Variants in SNX25 observed in about 807,000 individuals in gnomAD.
SNX25 encodes the protein sorting nexin 25.
A neutral mutation model predicts 113.7 loss-of-function variants in SNX25; 62 were observed. The ratio of observed to expected loss-of-function variants is 0.55; its 90% CI spans 0.44 to 0.67. SNX25 has a LOEUF of 0.67. SNX25 is among the 30% of genes least tolerant of loss of function. The probability of loss-of-function intolerance (pLI) is 0.00; values close to 1 mark genes in which losing one functional copy is unlikely to be tolerated. For synonymous variants in SNX25, 421 were observed against 436.2 expected (o/e 0.97, Z 0.43); for missense variants, 1,014 against 1,161.0 (o/e 0.87, Z 1.84).
chr4:185,376,289 T>A, the SNX25 span, among the ~76,000 whole-genome samples: 6 of 151,998 alleles, frequency 3.9e-5, no homozygotes, highest in African/African-American at 1.4e-4. Flanking sequence ...CAAACATACT[T>A]TTTTTTGAGA....
At chr4:185,235,602 C>T (rs150322858) in intron 1 of SNX25, among the ~76,000 whole-genome samples, 164 of 152,336 alleles carry the variant, frequency 1.1e-3, no homozygotes, top group African/African-American at 3.9e-3. Context: ...ATAGAAGACT[C>T]GCCTTTTGGC....
chr4:185,314,248 G>C (rs906295384), intron 7 of SNX25, among the ~76,000 whole-genome samples: 2 of 150,378 alleles, frequency 1.3e-5, no homozygotes, highest in Non-Finnish European at 2.9e-5. Flanking sequence ...CCAGCACTTG[G>C]CGGGCAAAGA....
chr4:185,241,003 C>G (rs1464329671), intron 1 of SNX25, among the ~76,000 whole-genome samples: 1 of 146,884 alleles, frequency 6.8e-6, no homozygotes, highest in East Asian at 2.1e-4. Context: ...ACTGGGCAGC[C>G]AGGCAGAGAG....
chr4:185,269,165 A>C (rs1748558588), intron 5 of SNX25, among the ~76,000 whole-genome samples: 1 of 152,148 alleles, frequency 6.6e-6, no homozygotes, highest in South Asian at 2.1e-4. Context: ...TCCTTATCAT[A>C]GTGTCCTTCG....
At chr4:185,228,891 C>T (rs896727454) in intron 1 of SNX25, among the ~76,000 whole-genome samples, 1 of 152,136 alleles carries the variant, frequency 6.6e-6, no homozygotes, top group African/African-American at 2.4e-5. Context: ...GATCAGGAAG[C>T]AGGTTTAGAG....
rs1168190629 is a variant in SNX25, at chr4:185,332,761, TA to T, written c.1914+4del. ...AATGCACCAAAACCTGACAAGAAGG[TA>T]ACTCTTTGCTTTCAAGGTTGTCTTT... On this transcript the variant is annotated splice_donor_region_variant and intron_variant, in intron 10 of 18. Transcript: ENST00000652585. 13 of 1,612,256 alleles carry T rather than the reference TA, an allele frequency of 8.1e-6. No individual in the cohort carries two copies. Among genetic ancestry groups the T allele is most frequent in the Non-Finnish European group, 1.0e-5 (12 of 1,179,424 alleles).
chr4:185,210,147 G>A lies in SNX25; in HGVS notation c.321G>A (p.Leu107=), dbSNP rs1028557151. 4.8e-4 allele frequency: 475 copies of A among 984,146 alleles called. No individual in the cohort carries two copies. The highest frequency in any genetic ancestry group is 5.4e-4 in the Non-Finnish European group (444 of 829,648). 61.0% of individuals were successfully genotyped at this position (984,146 alleles called of 1,614,324 possible). The change falls in exon 1 of 19, where the codon CTG becomes CTA. Residue 107 remains leucine, a synonymous_variant. Coordinates refer to ENST00000652585, the MANE Select transcript of SNX25 (RefSeq NM_001378034.2). This position sits in a 1 kb window ranked among gnomAD's most constrained non-coding sequence, Gnocchi z 4.4. ...GCTGCGCGGCGGCCGCCTTCCTGCT[G>A]GGGATCCTGTTTGCCCTCGTCTGCC... ...YLSCAAAAFL[L]GILFALVCRS...
At chr4:185,343,315 AAG>A (rs1445513580) in intron 12 of SNX25, among the ~76,000 whole-genome samples, 2 of 152,252 alleles carry the variant, frequency 1.3e-5, no homozygotes, top group Admixed American at 1.3e-4. Flanking sequence ...AAGCATTTAT[AAG>A]AATGTGTGGC....
rs1469935333 is a variant in SNX25, at chr4:185,239,840, G to C, written c.430-7454G>C. Among the ~76,000 whole-genome samples the C allele has an allele frequency of 5.5e-5, 8 of 146,662 alleles. No homozygotes were observed. In the East Asian group the frequency reaches 1.6e-3, roughly 30 times the overall value. On this transcript the variant is annotated intron_variant, in intron 1 of 18. Coordinates refer to ENST00000652585, the MANE Select transcript of SNX25 (RefSeq NM_001378034.2). ...CAGAGGGGGATTTGGCAGGGTCACAGGACAATAGTGGAGGGAAGGTCAGCA... is the reference window on the plus strand; with the variant it reads ...CAGAGGGGGATTTGGCAGGGTCACACGACAATAGTGGAGGGAAGGTCAGCA...
chr4:185,295,586 A>C (rs1196443624), intron 6 of SNX25, among the ~76,000 whole-genome samples: 1 of 151,586 alleles, frequency 6.6e-6, no homozygotes, highest in Non-Finnish European at 1.5e-5. Flanking sequence ...AGTAGCTGGG[A>C]TGACAGGTGC....
At chr4:185,376,944 C>A in the SNX25 span, 3 of 1,613,670 alleles carry the variant, frequency 1.9e-6, 1 homozygote, top group South Asian at 3.3e-5. Flanking sequence ...AGGAAATATG[C>A]CAGAGTGTCT....
At chr4:185,216,665 G>GC (rs1345520767) in intron 1 of SNX25, among the ~76,000 whole-genome samples, 1 of 151,740 alleles carries the variant, frequency 6.6e-6, no homozygotes, top group African/African-American at 2.4e-5. Context: ...GATGATAGGC[G>GC]CCCGCCACCA....
intron 10 of SNX25, 81 bp downstream of exon 10, chr4:185,332,840 C>A: frequency 7.3e-7 from 1 of 1,375,410 alleles, no homozygotes. Context: ...TGAGAAGTGT[C>A]AGTTTCTTTT....
chr4:185,344,912 A>G (rs1261741794), intron 12 of SNX25, among the ~76,000 whole-genome samples: 1 of 152,200 alleles, frequency 6.6e-6, no homozygotes, highest in African/African-American at 2.4e-5. Context: ...TGGAAAGCAA[A>G]AATTTGTCTC....
At chr4:185,295,504 C>A (rs1752719590) in intron 6 of SNX25, among the ~76,000 whole-genome samples, 1 of 148,020 alleles carries the variant, frequency 6.8e-6, no homozygotes, top group Non-Finnish European at 1.5e-5. Flanking sequence ...CGCTGAAGTG[C>A]AGTGGTGCAG....
At chr4:185,276,382 A>G (rs766098133) in intron 5 of SNX25, among the ~76,000 whole-genome samples, 3 of 152,222 alleles carry the variant, frequency 2.0e-5, no homozygotes, top group Non-Finnish European at 2.9e-5. Context: ...CTGGAGTGCA[A>G]TATTTATTTT....
At chr4:185,357,859 G>C in intron 16 of SNX25, 122 bp downstream of exon 16, 1 of 818,144 alleles carries the variant, frequency 1.2e-6, no homozygotes, top group Admixed American at 2.2e-5. Context: ...CTCACTTTTC[G>C]TTTCTGATAT....
chr4:185,289,007 G>A (rs1335626715), intron 6 of SNX25, among the ~76,000 whole-genome samples: 1 of 152,212 alleles, frequency 6.6e-6, no homozygotes, highest in Non-Finnish European at 1.5e-5. Context: ...GCACACAGAG[G>A]CAAAGGAAGC....
At chr4:185,256,682 G>A (rs193263619) in intron 2 of SNX25, among the ~76,000 whole-genome samples, 37 of 141,748 alleles carry the variant, frequency 2.6e-4, no homozygotes, top group Admixed American at 5.3e-4. Context: ...CTGGAATGCA[G>A]TGGCGCTGTC....
Sources: gnomAD v4.1 joint callset for allele counts (sites outside exome capture counted in the v4.1 genomes callset) on GRCh38, gnomAD v4.1.1 for gene constraint, Gnocchi (gnomAD v3.1) non-coding constraint, MANE v1.5 for transcripts, NCBI Gene and HGNC (gene_info 2026-07-23, HGNC 2026-07-21) for gene names.